The following PCDHA1 variants were observed in gnomAD, a reference collection of about 807,000 sequenced individuals.
The protein encoded by PCDHA1 is protocadherin alpha 1, also known as protocadherin alpha-1.
PCDHA1 carries 42 observed loss-of-function variants against 61.3 expected under a neutral mutation model. The ratio of observed to expected loss-of-function variants is 0.69; its 90% CI spans 0.54 to 0.89. The LOEUF is 0.89. Among genes scored for constraint, PCDHA1 ranks in the 40% least tolerant of loss-of-function variants. PCDHA1 has a pLI of 0.00. For synonymous variants in PCDHA1, 610 were observed against 553.8 expected (o/e 1.10, Z -1.43); for missense variants, 1,256 against 1,235.3 (o/e 1.02, Z -0.25).
At chr5:140,871,117 G>T in intron 1 of PCDHA1, 2 of 1,613,286 alleles carry the variant, frequency 1.2e-6, no homozygotes, top group Non-Finnish European at 1.7e-6. Flanking sequence ...GGTGGAGAGC[G>T]GACAGGCGCC....
intron 1 of PCDHA1, among the ~76,000 whole-genome samples, chr5:140,947,749 T>TC (rs1316656181): frequency 6.6e-6 from 1 of 151,628 alleles, no homozygotes; most frequent in Non-Finnish European, 1.5e-5. Flanking sequence ...TCTTATGTAT[T>TC]TTATGGTTTA....
intron 1 of PCDHA1, chr5:140,828,292 C>G: frequency 6.2e-7 from 1 of 1,614,100 alleles, no homozygotes; most frequent in Non-Finnish European, 8.5e-7. Flanking sequence ...TCAGGATGGC[C>G]TCCAAAGACC....
intron 1 of PCDHA1, among the ~76,000 whole-genome samples, chr5:140,839,422 C>T (rs1398340134): frequency 1.3e-5 from 2 of 151,902 alleles, no homozygotes; most frequent in Non-Finnish European, 2.9e-5. Flanking sequence ...CAGGGTCTCA[C>T]TCTGTAGCCC....
chr5:140,833,279 A>C (rs1772393333), intron 1 of PCDHA1, among the ~76,000 whole-genome samples: 1 of 152,198 alleles, frequency 6.6e-6, no homozygotes, highest in Non-Finnish European at 1.5e-5. Flanking sequence ...AAACTTATTT[A>C]GGAAAGCATC....
chr5:140,850,073 G>A, intron 1 of PCDHA1: 1 of 1,596,556 alleles, frequency 6.3e-7, no homozygotes, highest in Non-Finnish European at 8.6e-7. Context: ...TGGACCACGA[G>A]GAGCTGGAGC....
chr5:140,793,001 A>G (rs1428778162), intron 1 of PCDHA1, among the ~76,000 whole-genome samples: 4 of 152,230 alleles, frequency 2.6e-5, no homozygotes, highest in African/African-American at 9.6e-5. Context: ...AGAATGAGCA[A>G]GTGGACCCAT....
chr5:140,808,148 G>C (rs782479156), intron 1 of PCDHA1: 10 of 1,614,026 alleles, frequency 6.2e-6, no homozygotes, highest in African/African-American at 1.3e-5. Flanking sequence ...AATTATTGTA[G>C]AGGGCATTGA....
chr5:140,792,097 G>A (rs974923764), intron 1 of PCDHA1, among the ~76,000 whole-genome samples: 6 of 152,078 alleles, frequency 3.9e-5, no homozygotes, highest in South Asian at 4.1e-4. Flanking sequence ...CAAAATCAGC[G>A]TGTTTCCTGG....
intron 1 of PCDHA1, among the ~76,000 whole-genome samples, chr5:140,925,337 A>G (rs2082438861): frequency 6.6e-6 from 1 of 152,072 alleles, no homozygotes; most frequent in South Asian, 2.1e-4. Flanking sequence ...TAAAAGAAGG[A>G]TTTGAGTGAG....
At chr5:140,841,430 G>A in intron 1 of PCDHA1, 1 of 1,612,964 alleles carries the variant, frequency 6.2e-7, no homozygotes, top group Non-Finnish European at 8.5e-7. Flanking sequence ...CTCCGTCCCC[G>A]AGGAGGCCAA....
chr5:140,830,363 GT>G, intron 1 of PCDHA1: 1 of 1,614,138 alleles, frequency 6.2e-7, no homozygotes, highest in Non-Finnish European at 8.5e-7. Context: ...GCGGCAGAGG[GT>G]GTGCTCCGGG....
intron 1 of PCDHA1, chr5:140,827,998 C>G: frequency 2.0e-6 from 3 of 1,482,462 alleles, no homozygotes; most frequent in Non-Finnish European, 2.7e-6. Flanking sequence ...TGATGGCGGA[C>G]GCAGAAGAAA....
chr5:140,802,343 T>C (rs925654009), intron 1 of PCDHA1: 3 of 1,614,226 alleles, frequency 1.9e-6, no homozygotes, highest in Non-Finnish European at 2.5e-6. Context: ...CAGGAGTCAA[T>C]GGACAGGTCA....
At chr5:140,799,020 T>C (rs1762387040) in intron 1 of PCDHA1, among the ~76,000 whole-genome samples, 1 of 152,194 alleles carries the variant, frequency 6.6e-6, no homozygotes, top group African/African-American at 2.4e-5. Flanking sequence ...GTTTCTACCA[T>C]AGGTAAATGA....
At chr5:140,978,922 C>A (rs569091265) in intron 1 of PCDHA1, 27 bp from the exon 2 acceptor site, 7 of 1,613,966 alleles carry the variant, frequency 4.3e-6, no homozygotes, top group Non-Finnish European at 5.1e-6. Context: ...GTCATTTTAA[C>A]AGAAAACTCT....
intron 1 of PCDHA1, chr5:140,808,294 C>T (rs942791264): frequency 2.5e-6 from 4 of 1,614,156 alleles, no homozygotes; most frequent in African/African-American, 1.3e-5. Context: ...GTACAGTCAT[C>T]GCCCTGATCA....
chr5:140,936,016 C>G (rs1170221921), intron 1 of PCDHA1, among the ~76,000 whole-genome samples: 1 of 151,732 alleles, frequency 6.6e-6, no homozygotes, highest in Non-Finnish European at 1.5e-5. Context: ...CCTCAGCCTC[C>G]CGAGTAGCGG....
chr5:140,837,916 C>T (rs191330965), intron 1 of PCDHA1, among the ~76,000 whole-genome samples: 6 of 151,766 alleles, frequency 4.0e-5, no homozygotes, highest in South Asian at 4.2e-4. Context: ...TGGCTTCAAG[C>T]GATCCTCCTA....
At chr5:140,817,247 G>T (rs998574774) in intron 1 of PCDHA1, 2 of 152,240 alleles carry the variant, frequency 1.3e-5, no homozygotes, top group Non-Finnish European at 2.9e-5. Context: ...GACAGGAGCT[G>T]GGAATTTCCC....
Sources: gnomAD v4.1 joint callset for allele counts (sites outside exome capture counted in the v4.1 genomes callset) on GRCh38, gnomAD v4.1.1 for gene constraint, MANE v1.5 for transcripts, NCBI Gene and HGNC (gene_info 2026-07-23, HGNC 2026-07-21) for gene names.